SLC6A15: variants seen among roughly 807,000 people sequenced by gnomAD.
The protein encoded by SLC6A15 is sodium-dependent neutral amino acid transporter B(0)AT2.
In SLC6A15, 33 loss-of-function variants were observed where a neutral mutation model predicts 68.5. That is an observed-to-expected ratio of 0.48 (90% CI 0.37 to 0.64). The LOEUF (loss-of-function observed/expected upper bound fraction) is 0.64. Among genes scored for constraint, SLC6A15 ranks in the 30% least tolerant of loss-of-function variants. The pLI, the probability that SLC6A15 is intolerant of heterozygous loss-of-function variation, is 0.00. For missense variants in SLC6A15, 747 were observed against 874.3 expected, an observed-to-expected ratio of 0.85 and a Z score of 1.84; for synonymous variants, 347 against 301.0, an observed-to-expected ratio of 1.15 and a Z score of -1.58.
chr12:84,901,005 T>C (rs1277926592), intron 1 of SLC6A15, among the ~76,000 whole-genome samples: 1 of 130,068 alleles, frequency 7.7e-6, no homozygotes, highest in Non-Finnish European at 1.7e-5. Flanking sequence ...GATATGTATA[T>C]ATATACATAC....
At chr12:84,904,564 C>T (rs1032938692) in intron 1 of SLC6A15, among the ~76,000 whole-genome samples, 1 of 152,144 alleles carries the variant, frequency 6.6e-6, no homozygotes, top group Non-Finnish European at 1.5e-5. Context: ...AACCTGTTCA[C>T]AATGTGGCTA....
intron 9 of SLC6A15, 97 bp from the exon 10 acceptor site, chr12:84,867,290 T>G: frequency 9.8e-7 from 1 of 1,019,720 alleles, no homozygotes; most frequent in Non-Finnish European, 1.4e-6. Flanking sequence ...TTAAAACTTT[T>G]ATAACATGTC....
intron 2 of SLC6A15, among the ~76,000 whole-genome samples, chr12:84,887,715 AAGAG>A (rs145361923): frequency 0.04 from 6,067 of 151,980 alleles, 396 homozygotes; most frequent in African/African-American, 0.14. Context: ...AGTAAGAAAA[AAGAG>A]AGAGAGAAAG....
intron 1 of SLC6A15, among the ~76,000 whole-genome samples, chr12:84,904,207 G>C (rs77435594): frequency 1.4e-5 from 2 of 145,716 alleles, no homozygotes; most frequent in East Asian, 2.0e-4. Context: ...GGAGAGAAAG[G>C]GGGGAGGGGC....
In SLC6A15 at chr12:84,910,264, T is replaced by G. The variant is rs1337493017; in HGVS notation, c.-189+2259A>C. On this transcript the variant is annotated intron_variant, in intron 1 of 11. Transcript: ENST00000266682. ...GCTTATCAACAGTAAAAGATTATCT[T>G]TCTTTAAAAATCCTATTAATTCCTG... Among the ~76,000 whole-genome samples the G allele has an allele frequency of 2.0e-5, 3 of 152,104 alleles. No homozygotes were observed. In the East Asian group the frequency reaches 5.8e-4, roughly 29 times the overall value.
intron 9 of SLC6A15, 26 bp from the exon 10 acceptor site, chr12:84,867,219 A>G (rs187687016): frequency 6.4e-7 from 1 of 1,555,588 alleles, no homozygotes; most frequent in East Asian, 2.3e-5. Context: ...AAATGAAAAA[A>G]TGAGACTCTA....
At chr12:84,891,758 G>A (rs1254079128) in intron 2 of SLC6A15, 74 bp downstream of exon 2, 1 of 1,370,268 alleles carries the variant, frequency 7.3e-7, no homozygotes, top group Non-Finnish European at 1.0e-6. Flanking sequence ...ATGAGAAACA[G>A]CAATAATAGG....
intron 1 of SLC6A15, among the ~76,000 whole-genome samples, chr12:84,906,379 T>A (rs959699156): frequency 4.6e-5 from 7 of 152,320 alleles, no homozygotes; most frequent in African/African-American, 1.7e-4. Context: ...AATTGATATA[T>A]GGTTAAATGA....
intron 1 of SLC6A15, among the ~76,000 whole-genome samples, chr12:84,895,389 C>A (rs4466885): frequency 8.1e-5 from 11 of 136,058 alleles, no homozygotes; most frequent in East Asian, 4.3e-4. Context: ...TCACTCTGTC[C>A]CCCAGGCTGG....
chr12:84,886,576 C>A (rs1261626456), intron 2 of SLC6A15, among the ~76,000 whole-genome samples: 1 of 148,902 alleles, frequency 6.7e-6, no homozygotes, highest in African/African-American at 2.5e-5. Flanking sequence ...GAAACGTCTG[C>A]TTAGACTGAA....
intron 2 of SLC6A15, among the ~76,000 whole-genome samples, chr12:84,890,411 T>G (rs1872331305): frequency 6.6e-6 from 1 of 152,190 alleles, no homozygotes. Flanking sequence ...AAAAAAGTCT[T>G]AAAACCAGAA....
intron 9 of SLC6A15, among the ~76,000 whole-genome samples, chr12:84,868,316 C>A (rs1371718771): frequency 1.3e-5 from 2 of 152,096 alleles, no homozygotes; most frequent in Admixed American, 6.6e-5. Flanking sequence ...ATATTGCATT[C>A]TCTTACTTAA....
In SLC6A15 at chr12:84,873,197, A is replaced by G; in HGVS notation, c.999T>C (p.Asp333=). ...YNKRDNNCHF[D]AVLVSFINFF... ...AATTGATGAAGGACACCAGGACAGC[A>G]TCAAAGTGGCAGTTGTTGTCTCTCT... The change falls in exon 7 of 12, where the codon GAT becomes GAC. Residue 333 remains aspartate (D), a synonymous_variant. Coordinates refer to ENST00000266682, the MANE Select transcript of SLC6A15 (RefSeq NM_182767.6). 1 of 1,614,150 alleles carries G rather than the reference A, an allele frequency of 6.2e-7. No individual in the cohort carries two copies.
Position 84,884,041 on chromosome 12 carries a change from C to A in SLC6A15, c.575-1G>T, listed in dbSNP as rs1188157465. 1 of 1,607,022 alleles carries A rather than the reference C, an allele frequency of 6.2e-7. No individual in the cohort carries two copies. ...CTTTGTTCACATTCTGGTTCTACAA[C>A]TGTAGAAAGAAAAGTAACACACAAT... On this transcript the variant is annotated splice_acceptor_variant, in intron 4 of 11. Coordinates refer to ENST00000266682, the MANE Select transcript of SLC6A15 (RefSeq NM_182767.6). LOFTEE classifies it high-confidence loss of function.
intron 1 of SLC6A15, among the ~76,000 whole-genome samples, chr12:84,896,790 T>G (rs927286634): frequency 1.3e-5 from 2 of 152,186 alleles, no homozygotes; most frequent in Non-Finnish European, 2.9e-5. Flanking sequence ...AAACATTTAT[T>G]TAAAATAAAT....
intron 8 of SLC6A15, among the ~76,000 whole-genome samples, chr12:84,872,152 G>A (rs1302555822): frequency 7.0e-6 from 1 of 143,648 alleles, no homozygotes; most frequent in Non-Finnish European, 1.5e-5. Context: ...GAGAGACTAC[G>A]GCTCAAAAAA....
chr12:84,878,353 G>A (rs578128740), intron 5 of SLC6A15, among the ~76,000 whole-genome samples: 24 of 151,912 alleles, frequency 1.6e-4, no homozygotes, highest in African/African-American at 4.8e-4. Flanking sequence ...TTCTCCCTGC[G>A]TACTTTTGGC....
chr12:84,889,352 C>T (rs144695617), intron 2 of SLC6A15, among the ~76,000 whole-genome samples: 6,128 of 151,694 alleles, frequency 0.04, 398 homozygotes, highest in African/African-American at 0.14. Flanking sequence ...TAGCTGGGCG[C>T]GGTGGCGGGC....
At position 84,876,561 on chromosome 12, in the gene SLC6A15, A is replaced by G; in HGVS notation, c.803T>C (p.Phe268Ser). Residue 268 changes from phenylalanine to serine, a missense_variant, in exon 6 of 12, where the codon TTC becomes TCC. By Grantham distance (155) the Phe-to-Ser change is radical (BLOSUM62 -2). Coordinates refer to ENST00000266682, the MANE Select transcript of SLC6A15 (RefSeq NM_182767.6). Reference protein sequence around the residue: ...SLFPYVVLICFLIRAFLLNGS... With the variant: ...SLFPYVVLICSLIRAFLLNGS... Reference sequence around the variant, plus strand: ...ATTTAAAAGGAATGCTCTGATGAGGAAGCAAATAAGTACCACATATGGAAA... The same window carrying G: ...ATTTAAAAGGAATGCTCTGATGAGGGAGCAAATAAGTACCACATATGGAAA... 6.3e-7 allele frequency: 1 copy of G among 1,597,810 alleles called. No individual in the cohort carries two copies. Among genetic ancestry groups the G allele is most frequent in the Non-Finnish European group, 8.5e-7 (1 of 1,172,618 alleles).
Sources: allele counts gnomAD v4.1 joint callset (sites outside exome capture counted in the v4.1 genomes callset), GRCh38; gene constraint gnomAD v4.1.1; transcripts MANE v1.5; gene names NCBI Gene and HGNC (gene_info 2026-07-23, HGNC 2026-07-21).